KDM1B: variants seen among roughly 807,000 people sequenced by gnomAD.
KDM1B encodes lysine demethylase 1B, also known as lysine-specific histone demethylase 2.
A neutral mutation model predicts 107.4 loss-of-function variants in KDM1B; 63 were observed. The observed-to-expected ratio is 0.59, with a 90% CI of 0.48 to 0.72. KDM1B has a LOEUF of 0.72. Ranked by LOEUF, KDM1B falls within the 30% of genes least tolerant of loss-of-function variation. The pLI is 0.00. For missense variants in KDM1B, 749 were observed against 1,020.8 expected (o/e 0.73, Z 3.63); for synonymous variants, 363 against 363.9 (o/e 1.00, Z 0.03).
At position 18,172,739 on chromosome 6, in the gene KDM1B, A is replaced by G. The variant is rs1247401067; in HGVS notation, c.534+1260A>G. Among the ~76,000 whole-genome samples, 1 of 152,146 alleles carries G rather than the reference A, an allele frequency of 6.6e-6. No homozygotes were observed. The highest frequency in any genetic ancestry group is 1.5e-5 in the Non-Finnish European group (1 of 68,034). On this transcript the variant is annotated intron_variant, in intron 7 of 21. Coordinates refer to ENST00000650836, the MANE Select transcript of KDM1B (RefSeq NM_001364614.2). This position sits in a 1 kb window ranked among gnomAD's most constrained non-coding sequence, Gnocchi z 5.2. ...TAATATTCTATTTCATTATATTTAT[A>G]ATAAACTATATAGTTTATTTTCTGT...
rs1787276360 is a variant in KDM1B, at chr6:18,191,400, G to GC, written c.969+21dup. The GC allele has an allele frequency of 1.3e-6, 2 of 1,547,650 alleles. No individual in the cohort carries two copies. Among genetic ancestry groups the GC allele is most frequent in the African/African-American group, 2.7e-5 (2 of 72,964 alleles). On this transcript the variant is annotated intron_variant, in intron 10 of 21. Coordinates refer to ENST00000650836, the MANE Select transcript of KDM1B (RefSeq NM_001364614.2). The surrounding 1 kb of genome is among the most constrained non-coding windows in gnomAD (Gnocchi z 5.1). Reference sequence around the variant, plus strand: ...CTGCAAAGTAAGTAAGGGCATGTTAGCCAATAGCACTGGACAGAGGAGGAC... The same window carrying GC: ...CTGCAAAGTAAGTAAGGGCATGTTAGCCCAATAGCACTGGACAGAGGAGGAC...
Position 18,205,464 on chromosome 6 carries a change from G to T in KDM1B, c.1532-73G>T. ...TGGGTGTTGCTGGGTGACAGAGGTT[G>T]AAAGCAAAGGAGAAAGAATTGGAGA... On this transcript the variant is annotated intron_variant, in intron 14 of 21. Coordinates refer to ENST00000650836, the MANE Select transcript of KDM1B (RefSeq NM_001364614.2). The surrounding 1 kb of genome is among the most constrained non-coding windows in gnomAD (Gnocchi z 5.7). 1 of 1,462,598 alleles carries T rather than the reference G, an allele frequency of 6.8e-7. No individual in the cohort carries two copies. The highest frequency in any genetic ancestry group is 9.2e-7 in the Non-Finnish European group (1 of 1,089,664). The allele number at this position is 1,462,598 out of a possible 1,614,324, so 90.6% of individuals were successfully genotyped here. A position where few individuals can be genotyped will look rare whatever the true frequency, so the allele number is the denominator to read the frequency against.
intron 17 of KDM1B, among the ~76,000 whole-genome samples, chr6:18,210,753 C>T (rs1296305887): frequency 6.6e-6 from 1 of 152,062 alleles, no homozygotes; most frequent in Admixed American, 6.5e-5. Context: ...AATCACAGCA[C>T]TTCGGGAGGC....
chr6:18,158,943 G>A (rs1784801259), intron 2 of KDM1B, among the ~76,000 whole-genome samples: 1 of 152,108 alleles, frequency 6.6e-6, no homozygotes, highest in Admixed American at 6.6e-5. Context: ...TATTTGTTGA[G>A]TTGTACTGAA....
At chr6:18,157,312 A>G (rs12190533) in intron 2 of KDM1B, among the ~76,000 whole-genome samples, 2,535 of 152,364 alleles carry the variant, frequency 0.017, 39 homozygotes, top group Non-Finnish European at 0.025. Context: ...ATATGCTATC[A>G]TAAAAACCCT....
chr6:18,157,808 C>CT (rs67631382), intron 2 of KDM1B, among the ~76,000 whole-genome samples: 7,739 of 114,468 alleles, frequency 0.068, 732 homozygotes, highest in African/African-American at 0.12. Flanking sequence ...GTAGATAGTC[C>CT]TTTTTTTTTT....
At chr6:18,171,010 C>T (rs146043566) in intron 6 of KDM1B, among the ~76,000 whole-genome samples, 2,085 of 151,950 alleles carry the variant, frequency 0.014, 46 homozygotes, top group African/African-American at 0.048. Flanking sequence ...TTAGTAGAGA[C>T]GGGGTTTCAC....
rs1233412870 is a variant in KDM1B, at chr6:18,222,485, TTAGA to T, written c.*498_*501del. On this transcript the variant is annotated 3_prime_UTR_variant, in exon 22 of 22. Coordinates refer to ENST00000650836, the MANE Select transcript of KDM1B (RefSeq NM_001364614.2). ...CCAATATTGAGCTTTTACTTAAAAT[TTAGA>T]TAGAACTTTTTTTTGGATACAGCAC... 7.4e-5 allele frequency: 15 copies of T among 201,624 alleles called. No homozygotes were observed. The highest frequency in any genetic ancestry group is 4.1e-5 in the Non-Finnish European group (4 of 97,290). The allele number at this position is 201,624 out of a possible 1,614,324, so 12.5% of individuals were successfully genotyped here. A position where few individuals can be genotyped will look rare whatever the true frequency, so the allele number is the denominator to read the frequency against.
chr6:18,223,634 A>G lies in KDM1B; in HGVS notation c.*1642A>G, dbSNP rs1789965358. 6.6e-6 allele frequency: 1 copy of G among 152,146 alleles called. No individual in the cohort carries two copies. The allele number at this position is 152,146 out of a possible 1,614,324, so 9.4% of individuals were successfully genotyped here. A position where few individuals can be genotyped will look rare whatever the true frequency, so the allele number is the denominator to read the frequency against. On this transcript the variant is annotated 3_prime_UTR_variant, in exon 22 of 22. Coordinates refer to ENST00000650836, the MANE Select transcript of KDM1B (RefSeq NM_001364614.2). ...GAAAACCTACTTTAAAGTATGGTAA[A>G]TGTGTGTTTTAAACTTCCTATCAAG...
rs59496980 is a variant in KDM1B at position 18,172,463 on chromosome 6, A to G, written c.534+984A>G. On this transcript the variant is annotated intron_variant, in intron 7 of 21. Transcript: ENST00000650836. The surrounding 1 kb of genome is among the most constrained non-coding windows in gnomAD (Gnocchi z 5.2). ...AGTCTGAAAATCTGAAATGTTCCAA[A>G]ATCTGAAACTTTTTGAGCTCTGAGA... Among the ~76,000 whole-genome samples the G allele has an allele frequency of 0.054, 8,269 of 152,168 alleles. 756 individuals carry two copies. Among genetic ancestry groups the G allele is most frequent in the African/African-American group, 0.19 (7,710 of 41,472 alleles).
chr6:18,199,285 G>A (rs879673700), intron 12 of KDM1B, among the ~76,000 whole-genome samples: 6 of 152,114 alleles, frequency 3.9e-5, no homozygotes, highest in Non-Finnish European at 7.4e-5. Context: ...AGTGAAGAAT[G>A]TAAGTTTGAG....
Position 18,155,943 on chromosome 6 carries a change from T to A in KDM1B, c.-14+17T>A, listed in dbSNP as rs1784565119. 1 of 152,206 alleles carries A rather than the reference T, an allele frequency of 6.6e-6. No homozygotes were observed. Among genetic ancestry groups the A allele is most frequent in the African/African-American group, 2.4e-5 (1 of 41,422 alleles). The allele number at this position is 152,206 out of a possible 1,614,324, so 9.4% of individuals were successfully genotyped here. The stretch of plus-strand genomic sequence containing the variant: ...AGCGCAAAGGTGAGCCCCGGGGCAG[T>A]TGCTTCTCCGACTTCGAAAAGCTTC... On this transcript the variant is annotated intron_variant, in intron 2 of 21. Coordinates refer to ENST00000650836, the MANE Select transcript of KDM1B (RefSeq NM_001364614.2). The surrounding 1 kb of genome is among the most constrained non-coding windows in gnomAD (Gnocchi z 6.2).
chr6:18,186,579 T>A lies in KDM1B; in HGVS notation c.573+769T>A, dbSNP rs1312091316. Among the ~76,000 whole-genome samples, 1 of 152,170 alleles carries A rather than the reference T, an allele frequency of 6.6e-6. No homozygotes were observed. The highest frequency in any genetic ancestry group is 1.5e-5 in the Non-Finnish European group (1 of 68,026). On this transcript the variant is annotated intron_variant, in intron 8 of 21. Coordinates refer to ENST00000650836, the MANE Select transcript of KDM1B (RefSeq NM_001364614.2). This position sits in a 1 kb window ranked among gnomAD's most constrained non-coding sequence, Gnocchi z 5.6. ...TCTGTTATATAAAAGGGTGTTTGCA[T>A]GTGTATTAGTCCGTTCTCACGCTGC...
chr6:18,218,299 T>G (rs920859982), intron 21 of KDM1B, among the ~76,000 whole-genome samples: 2 of 152,154 alleles, frequency 1.3e-5, no homozygotes, highest in African/African-American at 4.8e-5. Context: ...TTTTTTTTTA[T>G]TTTTTGTAGA....
chr6:18,197,988 C>T lies in KDM1B; in HGVS notation c.1221+327C>T, dbSNP rs214618. On this transcript the variant is annotated intron_variant, in intron 12 of 21. Transcript: ENST00000650836. The surrounding 1 kb of genome is among the most constrained non-coding windows in gnomAD (Gnocchi z 4.5). ...TCGCCCAGGCTGGAGTGCAGCAGTG[C>T]GATCTCAGCTCACCGCAACCTCTGC... 0.15 allele frequency among the ~76,000 whole-genome samples: 22,382 copies of T among 147,246 alleles called. 2,178 individuals carry two copies. Among genetic ancestry groups the T allele is most frequent in the African/African-American group, 0.28 (10,944 of 39,444 alleles).
intron 20 of KDM1B, 87 bp from the exon 21 acceptor site, chr6:18,217,646 G>A (rs1789352014): frequency 9.1e-7 from 1 of 1,103,758 alleles, no homozygotes; most frequent in Non-Finnish European, 1.3e-6. Context: ...CAAAGTGCTG[G>A]GATGGGACTA....
Position 18,200,544 on chromosome 6 carries a change from A to G in KDM1B, c.1327A>G (p.Ile443Val), listed in dbSNP as rs371186294. ...GRGAQIVNGC[I>V]NNPVALMCEQ... ...AGGAGCTCAGATTGTCAATGGGTGT[A>G]TTAACAACCCAGTAGCATTAATGTG... The change falls in exon 13 of 22, where the codon ATT (isoleucine) becomes GTT (valine). Residue 443 changes from isoleucine (I) to valine (V), a missense_variant. By Grantham distance (29) the Ile-to-Val change is conservative. Coordinates refer to ENST00000650836, the MANE Select transcript of KDM1B (RefSeq NM_001364614.2). The surrounding 1 kb of genome is among the most constrained non-coding windows in gnomAD (Gnocchi z 4.3). The G allele has an allele frequency of 1.4e-5, 23 of 1,613,728 alleles. No homozygotes were observed. Among genetic ancestry groups the G allele is most frequent in the Non-Finnish European group, 1.7e-5 (20 of 1,179,784 alleles).
Position 18,204,093 on chromosome 6 carries a change from C to T in KDM1B, c.1532-1444C>T, listed in dbSNP as rs542206335. 3.3e-5 allele frequency among the ~76,000 whole-genome samples: 5 copies of T among 152,038 alleles called. No homozygotes were observed. The highest frequency in any genetic ancestry group is 3.3e-4 in the Admixed American group (5 of 15,260). On this transcript the variant is annotated intron_variant, in intron 14 of 21. Coordinates refer to ENST00000650836, the MANE Select transcript of KDM1B (RefSeq NM_001364614.2). This position sits in a 1 kb window ranked among gnomAD's most constrained non-coding sequence, Gnocchi z 4.9. ...CTCTTGGGCATCCGCATGTTACAAT[C>T]TAGTGCAAGAACTGAACATTTTGAT...
intron 20 of KDM1B, among the ~76,000 whole-genome samples, chr6:18,217,085 C>G (rs1349502505): frequency 7.8e-6 from 1 of 127,632 alleles, no homozygotes; most frequent in Non-Finnish European, 1.7e-5. Flanking sequence ...CCAGAGACTC[C>G]TTTCTGCTAC....
Sources: allele counts gnomAD v4.1 joint callset (sites outside exome capture counted in the v4.1 genomes callset), GRCh38; gene constraint gnomAD v4.1.1; non-coding constraint Gnocchi (gnomAD v3.1); transcripts MANE v1.5; gene names NCBI Gene and HGNC (gene_info 2026-07-23, HGNC 2026-07-21).